The following NCALD variants were observed in gnomAD, a reference collection of about 807,000 sequenced individuals.
NCALD encodes the protein neurocalcin delta, also known as neurocalcin-delta.
In NCALD, 10 loss-of-function variants were observed where a neutral mutation model predicts 18.6. That is an observed-to-expected ratio of 0.54 (90% confidence interval 0.33 to 0.91). NCALD has a LOEUF of 0.91. NCALD is among the 40% of genes least tolerant of loss of function. NCALD has a pLI of 0.03. For missense variants in NCALD, 184 were observed against 247.6 expected (o/e 0.74, Z 1.72); for synonymous variants, 88 against 87.4 (o/e 1.01, Z -0.04).
At chr8:102,095,966 C>A (rs1825079923) in intron 1 of NCALD, among the ~76,000 whole-genome samples, 1 of 152,132 alleles carries the variant, frequency 6.6e-6, no homozygotes, top group Admixed American at 6.5e-5. Flanking sequence ...AGGAACATCC[C>A]AGGTTTAGCC....
At chr8:101,831,023 C>T (rs1176585662) in intron 4 of NCALD, among the ~76,000 whole-genome samples, 1 of 152,180 alleles carries the variant, frequency 6.6e-6, no homozygotes, top group Non-Finnish European at 1.5e-5. Flanking sequence ...CCTCCATCCT[C>T]ACCTGACCTG....
intron 2 of NCALD, among the ~76,000 whole-genome samples, chr8:101,999,104 A>T (rs1821348440): frequency 6.6e-6 from 1 of 151,318 alleles, no homozygotes; most frequent in Admixed American, 6.6e-5. Context: ...AAGCCCAAGA[A>T]AGTCCAGTTC....
chr8:102,036,127 A>AAATAAATAAATT (rs1379293185), intron 1 of NCALD, among the ~76,000 whole-genome samples: 14 of 110,406 alleles, frequency 1.3e-4, no homozygotes, highest in Non-Finnish European at 2.2e-4. Flanking sequence ...ATCTCTACAA[A>AAATAAATAAATT]AATAAATAAA....
At chr8:101,752,420 T>C (rs1563731882) in intron 1 of NCALD, among the ~76,000 whole-genome samples, 1 of 152,184 alleles carries the variant, frequency 6.6e-6, no homozygotes, top group Non-Finnish European at 1.5e-5. Context: ...AAATTCTAGT[T>C]TCTCTCTTTT....
intron 3 of NCALD, among the ~76,000 whole-genome samples, chr8:101,890,519 T>A (rs1816833493): frequency 6.6e-6 from 1 of 152,100 alleles, no homozygotes; most frequent in African/African-American, 2.4e-5. Context: ...GGTGATTAAG[T>A]CATGAGGGCT....
At chr8:101,857,387 G>A (rs1363019722) in intron 4 of NCALD, among the ~76,000 whole-genome samples, 1 of 152,176 alleles carries the variant, frequency 6.6e-6, no homozygotes, top group Non-Finnish European at 1.5e-5. Flanking sequence ...AAAAGGCACA[G>A]ATGTGCATAT....
At chr8:101,861,919 T>C (rs1373883188) in intron 4 of NCALD, among the ~76,000 whole-genome samples, 3 of 152,200 alleles carry the variant, frequency 2.0e-5, no homozygotes, top group Non-Finnish European at 4.4e-5. Flanking sequence ...CACTGTACAG[T>C]GCTGCAGTAA....
chr8:101,847,611 G>A (rs1009259626), intron 4 of NCALD, among the ~76,000 whole-genome samples: 1 of 152,106 alleles, frequency 6.6e-6, no homozygotes, highest in African/African-American at 2.4e-5. Context: ...GTTATTTTTA[G>A]CCAATGAAAT....
rs1825578683 is a variant in NCALD, at chr8:102,109,561, TCGCCAG to T, written c.-210+14670_-210+14675del. Among the ~76,000 whole-genome samples, 3 of 152,210 alleles carry T rather than the reference TCGCCAG, an allele frequency of 2.0e-5. No individual in the cohort carries two copies. In the East Asian group the frequency reaches 5.8e-4, roughly 29 times the overall value. The stretch of plus-strand genomic sequence containing the variant: ...AAATTTCAGGGAAACATTTGCCCAC[TCGCCAG>T]TGTCAAACTATGTCAAATGGGCAAG... On this transcript the variant is annotated intron_variant, in intron 1 of 6. Coordinates refer to the NCALD transcript ENST00000311028.
At chr8:102,106,468 C>G (rs28475395) in intron 1 of NCALD, among the ~76,000 whole-genome samples, 1 of 127,692 alleles carries the variant, frequency 7.8e-6, no homozygotes, top group African/African-American at 3.1e-5. Flanking sequence ...TATATATATA[C>G]ACACACACAC....
chr8:102,037,209 A>C (rs1481153234), intron 1 of NCALD, among the ~76,000 whole-genome samples: 6 of 152,322 alleles, frequency 3.9e-5, no homozygotes, highest in Non-Finnish European at 8.8e-5. Flanking sequence ...CTTAAACTTT[A>C]CTATAATTCT....
chr8:101,940,222 A>T (rs1818905887), intron 2 of NCALD, among the ~76,000 whole-genome samples: 1 of 152,224 alleles, frequency 6.6e-6, no homozygotes, highest in African/African-American at 2.4e-5. Context: ...TTAGAAAGGT[A>T]ATTATTAGAG....
At chr8:101,890,802 G>A (rs188380948) in intron 3 of NCALD, among the ~76,000 whole-genome samples, 112 of 152,308 alleles carry the variant, frequency 7.4e-4, no homozygotes, top group African/African-American at 2.6e-3. Context: ...AGTACAGACA[G>A]ACTGAGACAT....
intron 4 of NCALD, among the ~76,000 whole-genome samples, chr8:101,861,703 C>A (rs1197164147): frequency 1.3e-5 from 2 of 152,044 alleles, no homozygotes; most frequent in African/African-American, 2.4e-5. Context: ...TAAAAGATAA[C>A]CTTAGGTTTC....
chr8:102,018,505 G>GTA (rs1822166026), intron 2 of NCALD, among the ~76,000 whole-genome samples: 1 of 152,144 alleles, frequency 6.6e-6, no homozygotes, highest in Non-Finnish European at 1.5e-5. Flanking sequence ...AGGCCACGTA[G>GTA]TATGTGAGGC....
At position 102,071,306 on chromosome 8, in the gene NCALD, T is replaced by C. The variant is rs187941922; in HGVS notation, c.-209-51017A>G. ...AATGGTTTTTAACCAGTATCCTTTTTCTTGGTATTGGTTCACTGATCATAT... is the reference window on the plus strand; with the variant it reads ...AATGGTTTTTAACCAGTATCCTTTTCCTTGGTATTGGTTCACTGATCATAT... On this transcript the variant is annotated intron_variant, in intron 1 of 6. Transcript: ENST00000311028. Among the ~76,000 whole-genome samples the C allele has an allele frequency of 9.2e-5, 14 of 152,336 alleles. No homozygotes were observed. The East Asian group carries it at 2.7e-3, about 29-fold the overall frequency.
intron 1 of NCALD, among the ~76,000 whole-genome samples, chr8:101,755,835 A>G (rs1810855143): frequency 6.6e-6 from 1 of 152,204 alleles, no homozygotes; most frequent in Non-Finnish European, 1.5e-5. Flanking sequence ...ATATGTATGC[A>G]TTGTGAATGT....
chr8:101,827,242 C>T lies in NCALD; in HGVS notation c.-20+59899G>A, dbSNP rs561669049. On this transcript the variant is annotated intron_variant, in intron 4 of 6. Transcript: ENST00000311028. The stretch of plus-strand genomic sequence containing the variant: ...TTTTCCTCTTCTGTCCATGTCAAAT[C>T]TCCCTCTGCCTTTTTCTTTTCAGGA... Among the ~76,000 whole-genome samples the T allele has an allele frequency of 2.6e-5, 4 of 152,298 alleles. No individual in the cohort carries two copies. The East Asian group carries it at 7.7e-4, about 29-fold the overall frequency.
At chr8:102,001,097 G>T (rs1821446226) in intron 2 of NCALD, among the ~76,000 whole-genome samples, 1 of 152,160 alleles carries the variant, frequency 6.6e-6, no homozygotes, top group South Asian at 2.1e-4. Context: ...GAGGAAGTTT[G>T]AACCCATGGC....
Sources: gnomAD v4.1 joint callset for allele counts (sites outside exome capture counted in the v4.1 genomes callset) on GRCh38, gnomAD v4.1.1 for gene constraint, MANE v1.5 for transcripts, NCBI Gene and HGNC (gene_info 2026-07-23, HGNC 2026-07-21) for gene names.